Variants in TBC1D5 observed in about 807,000 individuals in gnomAD.
TBC1D5 encodes TBC1 domain family, member 5.
In TBC1D5, 75 loss-of-function variants were observed where a neutral mutation model predicts 100.3. The ratio of observed to expected loss-of-function variants is 0.75; its 90% CI spans 0.62 to 0.91. TBC1D5 has a LOEUF of 0.91. Among genes scored for constraint, TBC1D5 ranks in the 40% least tolerant of loss-of-function variants. The pLI is 0.00. For missense variants in TBC1D5, 910 were observed against 942.4 expected, an observed-to-expected ratio of 0.97 and a Z score of 0.45; for synonymous variants, 323 against 325.6, an observed-to-expected ratio of 0.99 and a Z score of 0.09.
intron 2 of TBC1D5, among the ~76,000 whole-genome samples, chr3:17,604,380 G>A (rs1368257693): frequency 6.6e-6 from 1 of 152,132 alleles, no homozygotes; most frequent in Non-Finnish European, 1.5e-5. Flanking sequence ...AGTCCTTCTA[G>A]CTCTTATAAC....
At chr3:17,501,470 A>G (rs1240629291) in intron 3 of TBC1D5, among the ~76,000 whole-genome samples, 1 of 149,110 alleles carries the variant, frequency 6.7e-6, no homozygotes, top group African/African-American at 2.6e-5. Flanking sequence ...ATCACTGTGA[A>G]AAGTTTGCCG....
chr3:17,238,625 A>C (rs2149041884), intron 16 of TBC1D5, among the ~76,000 whole-genome samples: 1 of 152,306 alleles, frequency 6.6e-6, no homozygotes, highest in East Asian at 1.9e-4. Context: ...AAACAGTCTT[A>C]TTTACATTTC....
chr3:17,553,313 C>T (rs1281814825), intron 2 of TBC1D5, among the ~76,000 whole-genome samples: 1 of 152,116 alleles, frequency 6.6e-6, no homozygotes. Context: ...CTATTTTTTA[C>T]TTGTTACACT....
intron 2 of TBC1D5, among the ~76,000 whole-genome samples, chr3:17,550,810 C>T (rs2096465924): frequency 6.6e-6 from 1 of 152,028 alleles, no homozygotes; most frequent in Admixed American, 6.6e-5. Flanking sequence ...CCAAATACCA[C>T]ATAATATAAA....
chr3:17,380,679 A>G (rs1308461242), intron 9 of TBC1D5, among the ~76,000 whole-genome samples: 2 of 152,064 alleles, frequency 1.3e-5, no homozygotes, highest in African/African-American at 4.8e-5. Flanking sequence ...TAAAGGTAAC[A>G]AAAGTTTTCT....
intron 21 of TBC1D5, among the ~76,000 whole-genome samples, chr3:17,165,627 T>C (rs919123261): frequency 6.6e-6 from 1 of 152,206 alleles, no homozygotes; most frequent in Non-Finnish European, 1.5e-5. Flanking sequence ...ACATTCCCAC[T>C]CAAATGTCAT....
chr3:17,612,883 C>CTTTT (rs200031649), intron 2 of TBC1D5, among the ~76,000 whole-genome samples: 2 of 147,804 alleles, frequency 1.4e-5, no homozygotes, highest in African/African-American at 5.2e-5. Flanking sequence ...AGAAAGCCCC[C>CTTTT]TTTTCTTTTT....
intron 13 of TBC1D5, among the ~76,000 whole-genome samples, chr3:17,345,212 C>T (rs1196306485): frequency 2.0e-5 from 3 of 152,014 alleles, no homozygotes; most frequent in African/African-American, 7.2e-5. Context: ...TGAACTCAAA[C>T]AAATTTACAA....
chr3:17,651,309 A>G (rs1369811645), intron 1 of TBC1D5, among the ~76,000 whole-genome samples: 2 of 152,226 alleles, frequency 1.3e-5, no homozygotes, highest in Non-Finnish European at 2.9e-5. Flanking sequence ...TTATAATGTA[A>G]GAAAACAGCT....
At chr3:17,363,809 T>C (rs2091914000) in intron 13 of TBC1D5, among the ~76,000 whole-genome samples, 1 of 152,032 alleles carries the variant, frequency 6.6e-6, no homozygotes, top group Admixed American at 6.6e-5. Context: ...CTGTTCTACT[T>C]AATGGATTAG....
intron 2 of TBC1D5, among the ~76,000 whole-genome samples, chr3:17,547,768 G>A (rs193034590): frequency 3.1e-4 from 47 of 152,302 alleles, no homozygotes; most frequent in African/African-American, 9.4e-4. Flanking sequence ...CACTGCACAT[G>A]AGGATAGTTG....
chr3:17,608,895 T>C (rs1576996590), intron 2 of TBC1D5, among the ~76,000 whole-genome samples: 1 of 152,306 alleles, frequency 6.6e-6, no homozygotes, highest in South Asian at 2.1e-4. Context: ...CTTAAGAGTA[T>C]CACTTTGTAG....
intron 2 of TBC1D5, among the ~76,000 whole-genome samples, chr3:17,604,444 C>T (rs1435381672): frequency 6.6e-6 from 1 of 152,208 alleles, no homozygotes; most frequent in African/African-American, 2.4e-5. Flanking sequence ...GACTCTACCA[C>T]ATATATTACA....
chr3:17,238,475 A>C, intron 16 of TBC1D5, 56 bp from the exon 17 acceptor site: 1 of 1,550,318 alleles, frequency 6.5e-7, no homozygotes, highest in Admixed American at 1.9e-5. Flanking sequence ...ATTCTATTTC[A>C]CATAATTAAT....
At chr3:17,338,467 C>T (rs2088298330) in intron 13 of TBC1D5, 1 of 152,208 alleles carries the variant, frequency 6.6e-6, no homozygotes, top group South Asian at 2.1e-4. Context: ...TGCTGGCTAT[C>T]ATCAATCTTC....
chr3:17,395,334 G>A (rs2093471764), intron 8 of TBC1D5, among the ~76,000 whole-genome samples: 1 of 152,002 alleles, frequency 6.6e-6, no homozygotes. Context: ...TAGATACACT[G>A]TATATGTACT....
intron 2 of TBC1D5, among the ~76,000 whole-genome samples, chr3:17,543,115 G>T (rs2096375168): frequency 6.6e-6 from 1 of 152,106 alleles, no homozygotes; most frequent in Non-Finnish European, 1.5e-5. Flanking sequence ...GGAAGGGAAA[G>T]GAATGGAAGG....
intron 2 of TBC1D5, among the ~76,000 whole-genome samples, chr3:17,529,354 A>G (rs962721942): frequency 1.3e-4 from 20 of 152,240 alleles, no homozygotes; most frequent in Admixed American, 1.1e-3. Flanking sequence ...TTGCCTGGGG[A>G]ATAAAACATA....
At chr3:17,497,942 C>G (rs1398747383) in intron 3 of TBC1D5, among the ~76,000 whole-genome samples, 1 of 151,930 alleles carries the variant, frequency 6.6e-6, no homozygotes, top group Non-Finnish European at 1.5e-5. Context: ...ACAAAATAGT[C>G]ACTGTAATTT....
Sources: gnomAD v4.1 joint callset for allele counts (sites outside exome capture counted in the v4.1 genomes callset) on GRCh38, gnomAD v4.1.1 for gene constraint, MANE v1.5 for transcripts, NCBI Gene and HGNC (gene_info 2026-07-23, HGNC 2026-07-21) for gene names.